The following PID1 variants were observed in gnomAD, a reference collection of about 807,000 sequenced individuals.
The protein encoded by PID1 is phosphotyrosine interaction domain containing 1, also known as PTB-containing, cubilin and LRP1-interacting protein.
PID1 carries 10 observed loss-of-function variants against 19.1 expected under a neutral mutation model. The observed-to-expected ratio is 0.52, with a 90% CI of 0.32 to 0.89. PID1 has a LOEUF of 0.89. Among genes scored for constraint, PID1 ranks in the 40% least tolerant of loss-of-function variants. The probability of loss-of-function intolerance (pLI) is 0.03; values close to 1 mark genes in which losing one functional copy is unlikely to be tolerated. For synonymous variants in PID1, 130 were observed against 116.0 expected, an observed-to-expected ratio of 1.12 and a Z score of -0.78; for missense variants, 248 against 285.3, an observed-to-expected ratio of 0.87 and a Z score of 0.94.
intron 1 of PID1, among the ~76,000 whole-genome samples, chr2:229,163,363 T>C (rs1424357952): frequency 6.6e-6 from 1 of 152,216 alleles, no homozygotes; most frequent in Admixed American, 6.5e-5. Flanking sequence ...TTCAGTTTAA[T>C]TTTAAAGGCC....
intron 1 of PID1, among the ~76,000 whole-genome samples, chr2:229,186,476 AC>A (rs1691134485): frequency 2.0e-5 from 3 of 152,276 alleles, no homozygotes; most frequent in Admixed American, 2.0e-4. Context: ...ACTTTGGTGT[AC>A]TAGCAGGCTC....
chr2:229,095,166 C>T (rs988180389), intron 2 of PID1, among the ~76,000 whole-genome samples: 2 of 152,136 alleles, frequency 1.3e-5, no homozygotes, highest in Non-Finnish European at 2.9e-5. Flanking sequence ...CCGGTTTCTC[C>T]TCTTAGAAAC....
intron 2 of PID1, among the ~76,000 whole-genome samples, chr2:229,142,945 C>T (rs992794927): frequency 6.7e-6 from 1 of 149,870 alleles, no homozygotes; most frequent in African/African-American, 2.5e-5. Flanking sequence ...TGGAACCAAC[C>T]CAAATGTCCA....
In PID1 at chr2:229,241,234, T is replaced by A. The variant is rs1391294222; in HGVS notation, c.30+29780A>T. Among the ~76,000 whole-genome samples the A allele has an allele frequency of 3.3e-5, 5 of 152,290 alleles. No individual in the cohort carries two copies. In the East Asian group the frequency reaches 9.6e-4, roughly 29 times the overall value. ...TTTTTCTCTTGTTTATGTTTCATTT[T>A]CCTGCCAGAATTTTTTTAGTTTACA... On this transcript the variant is annotated intron_variant, in intron 1 of 2. Coordinates refer to ENST00000392055, the MANE Select transcript of PID1 (RefSeq NM_001100818.2).
intron 2 of PID1, among the ~76,000 whole-genome samples, chr2:229,154,294 C>T (rs1256859112): frequency 2.0e-5 from 3 of 151,848 alleles, no homozygotes; most frequent in Non-Finnish European, 4.4e-5. Flanking sequence ...CTCATCACAA[C>T]TTTCTCAAGT....
chr2:229,244,689 T>C (rs1310160649), intron 1 of PID1, among the ~76,000 whole-genome samples: 1 of 152,154 alleles, frequency 6.6e-6, no homozygotes, highest in East Asian at 1.9e-4. Flanking sequence ...ACCTCTTCTA[T>C]TGCCACAATC....
intron 2 of PID1, among the ~76,000 whole-genome samples, chr2:229,089,121 G>A (rs1320846913): frequency 6.6e-6 from 1 of 152,168 alleles, no homozygotes; most frequent in African/African-American, 2.4e-5. Flanking sequence ...GAAGGAGAGA[G>A]AGAGAGTGGA....
At chr2:229,059,990 A>G (rs190750831) in intron 2 of PID1, among the ~76,000 whole-genome samples, 75 of 152,178 alleles carry the variant, frequency 4.9e-4, no homozygotes, top group African/African-American at 1.7e-3. Context: ...TTATGTATTT[A>G]TATTTTATTT....
At chr2:229,127,680 G>A (rs1172032076) in intron 2 of PID1, among the ~76,000 whole-genome samples, 2 of 152,174 alleles carry the variant, frequency 1.3e-5, no homozygotes, top group African/African-American at 2.4e-5. Flanking sequence ...CCCACTAGAT[G>A]CCATTAATAC....
intron 1 of PID1, among the ~76,000 whole-genome samples, chr2:229,166,315 AAGAGAG>A (rs1690596306): frequency 2.7e-5 from 3 of 109,874 alleles, no homozygotes; most frequent in Non-Finnish European, 4.2e-5. Context: ...GTGAGGAACG[AAGAGAG>A]GAGAGTGAGG....
intron 2 of PID1, among the ~76,000 whole-genome samples, chr2:229,119,470 C>T (rs781313668): frequency 2.6e-5 from 4 of 152,142 alleles, no homozygotes; most frequent in Non-Finnish European, 4.4e-5. Flanking sequence ...AATTCAAATG[C>T]TTTACCTCAT....
chr2:229,040,697 A>C (rs1693754211), intron 2 of PID1, among the ~76,000 whole-genome samples: 1 of 152,202 alleles, frequency 6.6e-6, no homozygotes, highest in Non-Finnish European at 1.5e-5. Flanking sequence ...GAGAGGAAAA[A>C]ACAAGCTCAA....
chr2:229,235,316 G>C (rs987565030), intron 1 of PID1, among the ~76,000 whole-genome samples: 2 of 152,286 alleles, frequency 1.3e-5, no homozygotes, highest in African/African-American at 4.8e-5. Context: ...CAGAGCAGAG[G>C]AGCTGCCCAC....
intron 1 of PID1, among the ~76,000 whole-genome samples, chr2:229,224,287 C>T (rs34620399): frequency 0.052 from 7,971 of 152,238 alleles, 308 homozygotes; most frequent in Middle Eastern, 0.13. Flanking sequence ...CGTCAAAGAA[C>T]TAAAACTAGA....
intron 2 of PID1, among the ~76,000 whole-genome samples, chr2:229,041,266 A>G (rs1346723489): frequency 2.0e-5 from 3 of 152,156 alleles, no homozygotes; most frequent in African/African-American, 7.2e-5. Context: ...GAAAGGAGGA[A>G]AGTGCCCAAA....
intron 2 of PID1, 150 bp downstream of exon 2, chr2:229,155,668 C>G: frequency 1.5e-6 from 1 of 651,030 alleles, no homozygotes; most frequent in South Asian, 2.5e-5. Context: ...GATATGAATT[C>G]AGTCTACCAT....
intron 2 of PID1, among the ~76,000 whole-genome samples, chr2:229,081,665 A>G (rs1027268550): frequency 6.6e-6 from 1 of 152,230 alleles, no homozygotes. Flanking sequence ...GTTACAAAAC[A>G]TGACTTCCTG....
intron 1 of PID1, among the ~76,000 whole-genome samples, chr2:229,247,383 T>C (rs1293507233): frequency 6.6e-6 from 1 of 152,194 alleles, no homozygotes; most frequent in Admixed American, 6.5e-5. Context: ...ACATTTATAT[T>C]CCTGCCAGAT....
chr2:229,137,866 G>C (rs1391064990), intron 2 of PID1, among the ~76,000 whole-genome samples: 1 of 152,148 alleles, frequency 6.6e-6, no homozygotes, highest in Non-Finnish European at 1.5e-5. Context: ...ACTCCCCATT[G>C]TTCTGTTTGA....
Sources: allele counts gnomAD v4.1 joint callset (sites outside exome capture counted in the v4.1 genomes callset), GRCh38; gene constraint gnomAD v4.1.1; transcripts MANE v1.5; gene names NCBI Gene and HGNC (gene_info 2026-07-23, HGNC 2026-07-21).